The following NKTR variants were observed in gnomAD, a reference collection of about 807,000 sequenced individuals.
The protein encoded by NKTR is NK-tumor recognition protein.
Under a neutral mutation model 156.3 loss-of-function variants are expected in NKTR, and 67 were observed. That is an observed-to-expected ratio of 0.43 (90% CI 0.35 to 0.53). NKTR has a LOEUF of 0.53. Ranked by LOEUF, NKTR falls within the 20% of genes least tolerant of loss-of-function variation. The pLI is 0.01. For missense variants in NKTR, 1,604 were observed against 1,730.9 expected (o/e 0.93, Z 1.30); for synonymous variants, 640 against 596.6 (o/e 1.07, Z -1.06).
At chr3:42,633,500 T>A (rs1051167834) in intron 9 of NKTR, 80 bp from the exon 10 acceptor site, 1 of 1,536,742 alleles carries the variant, frequency 6.5e-7, no homozygotes, top group African/African-American at 1.4e-5. Context: ...TATGCTGTTG[T>A]TTTAGTAACT....
rs1707670341 is a variant in NKTR, at chr3:42,619,005, T to C, written c.134-15T>C. 7 of 1,562,624 alleles carry C rather than the reference T, an allele frequency of 4.5e-6. No individual in the cohort carries two copies. Among genetic ancestry groups the C allele is most frequent in the Non-Finnish European group, 6.0e-6 (7 of 1,161,378 alleles). On this transcript the variant is annotated splice_polypyrimidine_tract_variant and intron_variant, in intron 3 of 16. Coordinates refer to ENST00000232978, the MANE Select transcript of NKTR (RefSeq NM_005385.4). ...ATAATTAAACTTCATTTCTTTTTTTTTTTTTTTTTTCCAGGAGAGAAAGGC... is the reference window on the plus strand; with the variant it reads ...ATAATTAAACTTCATTTCTTTTTTTCTTTTTTTTTTCCAGGAGAGAAAGGC...
chr3:42,641,738 C>T (rs761010568), intron 13 of NKTR, among the ~76,000 whole-genome samples: 3 of 151,872 alleles, frequency 2.0e-5, no homozygotes, highest in Non-Finnish European at 4.4e-5. Context: ...ATTAGCCGGG[C>T]GTGGTAGTGC....
rs79942264 is a variant in NKTR at position 42,613,558 on chromosome 3, A to G, written c.59-4012A>G. ...CACTTTTCCAACTACCATATCATCTATGTACATAATACATGTCTCCTTTTT... is the reference window on the plus strand; with the variant it reads ...CACTTTTCCAACTACCATATCATCTGTGTACATAATACATGTCTCCTTTTT... On this transcript the variant is annotated intron_variant, in intron 2 of 16. Transcript: ENST00000232978. Among the ~76,000 whole-genome samples the G allele has an allele frequency of 4.0e-3, 602 of 152,300 alleles. 1 individual carries two copies. Among genetic ancestry groups the G allele is most frequent in the Non-Finnish European group, 5.6e-3 (381 of 68,026 alleles).
At chr3:42,616,595 T>A (rs1219475731) in intron 2 of NKTR, among the ~76,000 whole-genome samples, 1 of 152,200 alleles carries the variant, frequency 6.6e-6, no homozygotes, top group African/African-American at 2.4e-5. Context: ...AAACAAAAGC[T>A]CAGTAATGAG....
intron 2 of NKTR, among the ~76,000 whole-genome samples, chr3:42,616,990 A>C (rs994215623): frequency 1.3e-5 from 2 of 152,132 alleles, no homozygotes; most frequent in Non-Finnish European, 2.9e-5. Flanking sequence ...TCCTGACCTC[A>C]GGCAACCCTC....
chr3:42,625,966 A>G (rs1038657457), intron 6 of NKTR, among the ~76,000 whole-genome samples: 10 of 152,176 alleles, frequency 6.6e-5, no homozygotes, highest in African/African-American at 2.2e-4. Context: ...TTTGGAACAC[A>G]TGGGTAGAGC....
At chr3:42,617,682 T>G in intron 3 of NKTR, 38 bp downstream of exon 3, 1 of 1,101,778 alleles carries the variant, frequency 9.1e-7, no homozygotes, top group Non-Finnish European at 1.4e-6. Flanking sequence ...AGCTGTGGCT[T>G]ACAGTTTTAC....
intron 4 of NKTR, 54 bp from the exon 5 acceptor site, chr3:42,619,608 CTG>C: frequency 1.3e-6 from 2 of 1,595,900 alleles, no homozygotes; most frequent in African/African-American, 1.4e-5. Context: ...AAAATGATTT[CTG>C]TGTTAGTATA....
At chr3:42,628,893 T>G (rs1192301974) in intron 6 of NKTR, 3 of 241,962 alleles carry the variant, frequency 1.2e-5, no homozygotes, top group Non-Finnish European at 2.0e-5. Flanking sequence ...TCCCAGCTAC[T>G]CAGGAGGCTG....
At chr3:42,615,732 G>T (rs6441928) in intron 2 of NKTR, among the ~76,000 whole-genome samples, 26,221 of 152,050 alleles carry the variant, frequency 0.17, 2,741 homozygotes, top group African/African-American at 0.29. Context: ...TATGCAAAGC[G>T]GGATGATTTT....
In NKTR at chr3:42,638,585, G is replaced by A; in HGVS notation, c.2881G>A (p.Glu961Lys). 1 of 1,614,138 alleles carries A rather than the reference G, an allele frequency of 6.2e-7. No homozygotes were observed. The highest frequency in any genetic ancestry group is 1.1e-5 in the South Asian group (1 of 91,056). Reference protein sequence around the residue: ...SKQRTSTSDSEGSCSNSENNR... With the variant: ...SKQRTSTSDSKGSCSNSENNR... ...ACAGCGCACATCAACTTCTGACTCT[G>A]AGGGGTCCTGTTCCAATTCGGAAAA... Residue 961 changes from glutamate (E) to lysine (K), a missense_variant, in exon 13 of 17, where the codon GAG (glutamate) becomes AAG (lysine). Coordinates refer to ENST00000232978, the MANE Select transcript of NKTR (RefSeq NM_005385.4).
chr3:42,620,969 C>T, intron 5 of NKTR: 5 of 923,746 alleles, frequency 5.4e-6, no homozygotes, highest in Non-Finnish European at 6.5e-6. Context: ...GTCTTACAGT[C>T]TAGCTTCAAT....
chr3:42,636,753 T>C, intron 12 of NKTR, 115 bp from the exon 13 acceptor site: 1 of 1,402,480 alleles, frequency 7.1e-7, no homozygotes, highest in Non-Finnish European at 9.3e-7. Flanking sequence ...TCACGCTTCC[T>C]GCGTGTGCTT....
At chr3:42,624,420 A>T (rs934937451) in intron 6 of NKTR, among the ~76,000 whole-genome samples, 10 of 152,082 alleles carry the variant, frequency 6.6e-5, no homozygotes, top group African/African-American at 1.9e-4. Context: ...TTAATTTGGT[A>T]TTTATTTTGT....
At chr3:42,641,213 T>C (rs1217571016) in intron 13 of NKTR, among the ~76,000 whole-genome samples, 1 of 152,232 alleles carries the variant, frequency 6.6e-6, no homozygotes, top group East Asian at 1.9e-4. Flanking sequence ...TGTGTGTTAC[T>C]CATCGTTCAG....
chr3:42,630,963 G>A, intron 7 of NKTR: 2 of 1,408,366 alleles, frequency 1.4e-6, no homozygotes, highest in Non-Finnish European at 1.8e-6. Flanking sequence ...TTGTTTTAAA[G>A]GCAGAAAACT....
rs149210982 is a variant in NKTR, at chr3:42,638,945, C to T, written c.3241C>T (p.Gln1081Ter). The change falls in exon 13 of 17, where the codon CAG becomes TAG. Residue 1081 changes from glutamine (Q) to a stop codon, truncating the protein, a stop_gained. Coordinates refer to ENST00000232978, the MANE Select transcript of NKTR (RefSeq NM_005385.4). LOFTEE classifies it high-confidence loss of function. ...AGTGACTGTTTCATCAGATCTTGAT[C>T]AGTTTACTAAAGATGATAGTAAACT... ...DTVTVSSDLD[Q>*]FTKDDSKLSI... is the part of the protein sequence containing the mutation. 3 of 1,612,886 alleles carry T rather than the reference C, an allele frequency of 1.9e-6. No individual in the cohort carries two copies. Among genetic ancestry groups the T allele is most frequent in the Non-Finnish European group, 2.5e-6 (3 of 1,179,034 alleles).
chr3:42,631,119 G>A (rs892656672), intron 7 of NKTR, 52 bp from the exon 8 acceptor site: 1 of 1,604,586 alleles, frequency 6.2e-7, no homozygotes, highest in Non-Finnish European at 8.5e-7. Context: ...CTTGATTACT[G>A]TTTATAGCTT....
In NKTR at chr3:42,638,278, AAG is replaced by A; in HGVS notation, c.2576_2577del (p.Arg859AsnfsTer8). ...AACGGGAATGCCCTCATTCAAAAAA[AAG>A]AACTTTGAAAGAGAATCTTTCTGAT... ...SERECPHSKKRTLKENLSDHL... is the reference protein window; with the variant it reads ...SERECPHSKKXTLKENLSDHL... On this transcript the variant is annotated frameshift_variant, in exon 13 of 17. Coordinates refer to ENST00000232978, the MANE Select transcript of NKTR (RefSeq NM_005385.4). LOFTEE classifies it high-confidence loss of function. The A allele has an allele frequency of 1.9e-6, 3 of 1,606,750 alleles. No homozygotes were observed. Among genetic ancestry groups the A allele is most frequent in the South Asian group, 2.2e-5 (2 of 89,452 alleles).
Sources: gnomAD v4.1 joint callset for allele counts (sites outside exome capture counted in the v4.1 genomes callset) on GRCh38, gnomAD v4.1.1 for gene constraint, MANE v1.5 for transcripts, NCBI Gene and HGNC (gene_info 2026-07-23, HGNC 2026-07-21) for gene names.